NAV3: variants seen among roughly 807,000 people sequenced by gnomAD.
NAV3 encodes neuron navigator 3.
In NAV3, 87 loss-of-function variants were observed where a neutral mutation model predicts 244.7. The ratio of observed to expected loss-of-function variants is 0.36; its 90% confidence interval spans 0.30 to 0.42. The LOEUF (loss-of-function observed/expected upper bound fraction) is 0.42, where lower values mean the gene tolerates loss of function less well. Among genes scored for constraint, NAV3 ranks in the 20% least tolerant of loss-of-function variants. NAV3 has a pLI of 1.00. For synonymous variants in NAV3, 1,126 were observed against 1,042.2 expected, an observed-to-expected ratio of 1.08 and a Z score of -1.55; for missense variants, 2,663 against 2,893.3, an observed-to-expected ratio of 0.92 and a Z score of 1.83.
chr12:78,184,100 T>C (rs1295838914), intron 30 of NAV3, among the ~76,000 whole-genome samples: 3 of 151,922 alleles, frequency 2.0e-5, no homozygotes, highest in Non-Finnish European at 4.4e-5. Flanking sequence ...TTCTGTTTCA[T>C]TGTTTGGTTT....
intron 5 of NAV3, among the ~76,000 whole-genome samples, chr12:77,979,764 C>T (rs1013772412): frequency 3.4e-5 from 5 of 147,660 alleles, no homozygotes; most frequent in East Asian, 2.0e-4. Context: ...TCTAGAACAA[C>T]GCTCACCCAT....
At chr12:77,795,466 A>C (rs1871362760) in intron 2 of NAV3, among the ~76,000 whole-genome samples, 1 of 152,186 alleles carries the variant, frequency 6.6e-6, no homozygotes, top group Non-Finnish European at 1.5e-5. Context: ...CAAGTTATCC[A>C]GAAGATCTGA....
intron 1 of NAV3, among the ~76,000 whole-genome samples, chr12:77,905,478 A>T (rs1031789816): frequency 2.0e-5 from 3 of 152,132 alleles, no homozygotes; most frequent in Non-Finnish European, 4.4e-5. Flanking sequence ...AGGACTGTTG[A>T]GAATCCAGAG....
At chr12:77,606,708 A>G (rs888426493) in intron 2 of NAV3, among the ~76,000 whole-genome samples, 3 of 152,156 alleles carry the variant, frequency 2.0e-5, no homozygotes, top group African/African-American at 7.2e-5. Context: ...TGCTTTGATG[A>G]AGACTCCCAT....
chr12:78,074,780 G>T (rs529487580), intron 12 of NAV3, among the ~76,000 whole-genome samples: 48 of 152,236 alleles, frequency 3.2e-4, no homozygotes, highest in Admixed American at 8.5e-4. Context: ...TTGGCATTTG[G>T]TATTCTACTA....
intron 28 of NAV3, among the ~76,000 whole-genome samples, chr12:78,179,174 T>C (rs950215168): frequency 3.3e-5 from 5 of 152,072 alleles, no homozygotes; most frequent in African/African-American, 2.4e-5. Flanking sequence ...ATGTTGCAAA[T>C]AGAGGTTTAA....
At chr12:77,753,694 A>T (rs1164852570) in intron 2 of NAV3, among the ~76,000 whole-genome samples, 1 of 152,196 alleles carries the variant, frequency 6.6e-6, no homozygotes, top group African/African-American at 2.4e-5. Flanking sequence ...CTATTGTTCC[A>T]CAGCACTGAA....
chr12:77,987,899 C>A (rs916511775), intron 5 of NAV3, among the ~76,000 whole-genome samples: 10 of 152,102 alleles, frequency 6.6e-5, no homozygotes, highest in African/African-American at 1.9e-4. Context: ...ATGGTAACAG[C>A]GTAAAATTTT....
At chr12:77,643,134 T>A (rs985534649) in intron 2 of NAV3, among the ~76,000 whole-genome samples, 8 of 151,930 alleles carry the variant, frequency 5.3e-5, no homozygotes, top group Admixed American at 3.3e-4. Context: ...CTCTATAACC[T>A]CCTTGATAAA....
intron 20 of NAV3, among the ~76,000 whole-genome samples, chr12:78,141,302 T>A (rs1199307776): frequency 6.6e-6 from 1 of 152,242 alleles, no homozygotes; most frequent in Non-Finnish European, 1.5e-5. Flanking sequence ...GTAAATACAA[T>A]TCTATCTTTT....
chr12:78,110,496 C>T (rs1955032593), intron 12 of NAV3, among the ~76,000 whole-genome samples: 1 of 151,868 alleles, frequency 6.6e-6, no homozygotes, highest in African/African-American at 2.4e-5. Flanking sequence ...ACATAAAGAA[C>T]AAATCTGGTC....
At chr12:78,026,451 G>A (rs1156810500) in intron 9 of NAV3, among the ~76,000 whole-genome samples, 1 of 151,976 alleles carries the variant, frequency 6.6e-6, no homozygotes, top group Non-Finnish European at 1.5e-5. Context: ...GTTATTCATG[G>A]CTCCTTTTTA....
At chr12:77,998,899 T>C (rs1343402926) in intron 7 of NAV3, among the ~76,000 whole-genome samples, 4 of 152,180 alleles carry the variant, frequency 2.6e-5, no homozygotes, top group Non-Finnish European at 5.9e-5. Context: ...TGAAACATAA[T>C]TACAGTAGGT....
rs181459604 is a variant in NAV3, at chr12:78,122,628, T to A, written c.4238+200T>A. On this transcript the variant is annotated intron_variant, in intron 16 of 39. Coordinates refer to ENST00000397909, the MANE Select transcript of NAV3 (RefSeq NM_001024383.2). ...AATCATTAAAGGTAGGGTGAGTGGATAATTTTGTTAATATGAATGCATACA... is the reference window on the plus strand; with the variant it reads ...AATCATTAAAGGTAGGGTGAGTGGAAAATTTTGTTAATATGAATGCATACA... 5.9e-5 allele frequency among the ~76,000 whole-genome samples: 9 copies of A among 152,324 alleles called. No homozygotes were observed. In the East Asian group the frequency reaches 1.7e-3, roughly 29 times the overall value.
chr12:78,049,688 A>C (rs1566061657), intron 9 of NAV3, among the ~76,000 whole-genome samples: 1 of 152,160 alleles, frequency 6.6e-6, no homozygotes, highest in Non-Finnish European at 1.5e-5. Context: ...ATAGATTTTT[A>C]ATTGATCCCA....
At chr12:77,791,112 T>C (rs186975111) in intron 2 of NAV3, among the ~76,000 whole-genome samples, 8 of 152,248 alleles carry the variant, frequency 5.3e-5, no homozygotes, top group Admixed American at 5.2e-4. Context: ...TCCCAGCACT[T>C]TGGGAGGCCA....
At chr12:77,711,176 AT>A (rs1392347009) in intron 2 of NAV3, among the ~76,000 whole-genome samples, 1 of 152,142 alleles carries the variant, frequency 6.6e-6, no homozygotes, top group African/African-American at 2.4e-5. Context: ...ACCCACTTAG[AT>A]TTTCCCAATG....
At chr12:78,015,586 A>G (rs1270102557) in intron 8 of NAV3, among the ~76,000 whole-genome samples, 2 of 151,738 alleles carry the variant, frequency 1.3e-5, no homozygotes. Flanking sequence ...AATATCTTCC[A>G]TTTTGGTTGT....
intron 2 of NAV3, among the ~76,000 whole-genome samples, chr12:77,750,961 T>C (rs1008264602): frequency 2.6e-5 from 4 of 152,214 alleles, no homozygotes; most frequent in Non-Finnish European, 5.9e-5. Context: ...GACTTATTCT[T>C]ATTTGCTATA....
Sources: allele counts gnomAD v4.1 joint callset (sites outside exome capture counted in the v4.1 genomes callset), GRCh38; gene constraint gnomAD v4.1.1; transcripts MANE v1.5; gene names NCBI Gene and HGNC (gene_info 2026-07-23, HGNC 2026-07-21).